Variants in CETN3 observed in about 807,000 individuals in gnomAD.
CETN3 encodes the protein centrin 3.
A neutral mutation model predicts 20.1 loss-of-function variants in CETN3; 17 were observed. The observed-to-expected ratio is 0.85, with a 90% CI of 0.58 to 1.27. The LOEUF (loss-of-function observed/expected upper bound fraction) is 1.27, where lower values mean the gene tolerates loss of function less well. Among genes scored for constraint, CETN3 ranks in the 50% most tolerant of loss-of-function variants. The pLI is 0.00. For missense variants in CETN3, 169 were observed against 191.2 expected, an observed-to-expected ratio of 0.88 and a Z score of 0.69; for synonymous variants, 52 against 59.7, an observed-to-expected ratio of 0.87 and a Z score of 0.59.
chr5:90,407,205 G>A (rs1430813739), intron 2 of CETN3, among the ~76,000 whole-genome samples: 5 of 152,014 alleles, frequency 3.3e-5, no homozygotes, highest in Non-Finnish European at 5.9e-5. Context: ...AGGTCTTAAA[G>A]CTGACATTTT....
rs757751739 is a variant in CETN3, at chr5:90,399,422, T to C, written c.396A>G (p.Glu132=). Residue 132 remains glutamate (E), a synonymous_variant, in exon 4 of 5, where the codon GAA becomes GAG. Transcript: ENST00000283122. ...NLRRVARELG[E]NMSDEELRAM... is the part of the protein sequence containing the mutation. ...CTCGAAGTTCTTCATCACTCATGTT[T>C]TCACCCAATTCTCTAGCAACACGTC... 5.6e-6 allele frequency: 9 copies of C among 1,613,952 alleles called. No individual in the cohort carries two copies. In the African/African-American group the frequency reaches 1.2e-4, roughly 22 times the overall value.
intron 3 of CETN3, among the ~76,000 whole-genome samples, chr5:90,400,521 A>C (rs1749258569): frequency 6.6e-6 from 1 of 151,904 alleles, no homozygotes; most frequent in African/African-American, 2.4e-5. Context: ...CACTACAAGA[A>C]AAGGTATTTA....
chr5:90,396,612 C>G, intron 4 of CETN3: 5 of 1,373,158 alleles, frequency 3.6e-6, no homozygotes, highest in Non-Finnish European at 4.9e-6. Flanking sequence ...GATTTGATTA[C>G]AAATCATTTT....
At chr5:90,407,954 T>G (rs577084782) in intron 1 of CETN3, 120 bp from the exon 2 acceptor site, 14 of 813,236 alleles carry the variant, frequency 1.7e-5, no homozygotes, top group Non-Finnish European at 2.5e-5. Context: ...ATAGGGAAAC[T>G]TTCCCTTTAT....
intron 2 of CETN3, among the ~76,000 whole-genome samples, chr5:90,406,314 G>A (rs1435090990): frequency 6.6e-6 from 1 of 152,006 alleles, no homozygotes; most frequent in Non-Finnish European, 1.5e-5. Context: ...GACTAGAGAA[G>A]TCTTATTTGG....
chr5:90,393,362 ATTTG>A lies in CETN3; in HGVS notation c.*698_*701del, dbSNP rs1451198178. 7 of 152,310 alleles carry A rather than the reference ATTTG, an allele frequency of 4.6e-5. No homozygotes were observed. The highest frequency in any genetic ancestry group is 3.3e-4 in the Admixed American group (5 of 15,302). The allele number at this position is 152,310 out of a possible 1,614,324, so 9.4% of individuals were successfully genotyped here. On this transcript the variant is annotated 3_prime_UTR_variant, in exon 5 of 5. Transcript: ENST00000283122. ...AGAAAATTCAAATTGTATTCATTCA[ATTTG>A]TTTAAGGAAATATTCAGAAGAAAAT...
intron 2 of CETN3, 39 bp from the exon 3 acceptor site, chr5:90,405,838 CT>C: frequency 2.5e-6 from 3 of 1,212,782 alleles, no homozygotes; most frequent in Non-Finnish European, 2.4e-6. Context: ...ATAAAGCACT[CT>C]TTACAAAAGA....
At chr5:90,394,189 G>T in intron 4 of CETN3, 82 bp from the exon 5 acceptor site, 2 of 919,430 alleles carry the variant, frequency 2.2e-6, no homozygotes, top group Non-Finnish European at 1.6e-6. Context: ...TTTACACTAA[G>T]TATTTAAAAA....
intron 2 of CETN3, 64 bp downstream of exon 2, chr5:90,407,635 A>G: frequency 8.8e-7 from 1 of 1,137,098 alleles, no homozygotes; most frequent in Non-Finnish European, 1.2e-6. Context: ...AATGTAATGT[A>G]AAGCAACTGT....
intron 1 of CETN3, among the ~76,000 whole-genome samples, 185 bp downstream of exon 1, chr5:90,409,460 C>T (rs556964483): frequency 6.6e-6 from 1 of 152,356 alleles, no homozygotes; most frequent in East Asian, 1.9e-4. Context: ...GCACTGGTCT[C>T]GTTCCCTGCA....
At chr5:90,394,416 A>G (rs879767984) in intron 4 of CETN3, among the ~76,000 whole-genome samples, 1 of 152,042 alleles carries the variant, frequency 6.6e-6, no homozygotes, top group Non-Finnish European at 1.5e-5. Context: ...ACTTGCTAAA[A>G]CATTTTAAAT....
intron 2 of CETN3, among the ~76,000 whole-genome samples, chr5:90,406,545 C>T (rs990536247): frequency 1.3e-5 from 2 of 151,356 alleles, no homozygotes; most frequent in Non-Finnish European, 3.0e-5. Context: ...AGGAAGAAAG[C>T]AGTTAGCAAA....
chr5:90,409,552 T>A (rs1382531842), intron 1 of CETN3, 93 bp downstream of exon 1: 6 of 1,477,638 alleles, frequency 4.1e-6, no homozygotes, highest in Non-Finnish European at 5.7e-6. Flanking sequence ...ATCCCCTGCC[T>A]CGCCTCGGCC....
chr5:90,396,391 A>G, intron 4 of CETN3: 1 of 1,422,976 alleles, frequency 7.0e-7, no homozygotes, highest in Non-Finnish European at 9.2e-7. Context: ...TTGCAGTTAA[A>G]TAGCCATGTC....
intron 4 of CETN3, among the ~76,000 whole-genome samples, chr5:90,394,538 T>A (rs1749095810): frequency 6.6e-6 from 1 of 151,988 alleles, no homozygotes; most frequent in African/African-American, 2.4e-5. Flanking sequence ...GCATGTAAAT[T>A]AGATTTCTAA....
chr5:90,408,369 T>C (rs893432521), intron 1 of CETN3, among the ~76,000 whole-genome samples: 12 of 152,210 alleles, frequency 7.9e-5, no homozygotes, highest in Non-Finnish European at 1.6e-4. Flanking sequence ...GTTCAAAATG[T>C]TTTTAGATTA....
At chr5:90,398,177 T>A (rs1749182124) in intron 4 of CETN3, among the ~76,000 whole-genome samples, 1 of 152,080 alleles carries the variant, frequency 6.6e-6, no homozygotes. Context: ...ATATACCCAA[T>A]ATTTTTAAAA....
chr5:90,399,915 A>G (rs1749238247), intron 3 of CETN3, among the ~76,000 whole-genome samples: 1 of 152,190 alleles, frequency 6.6e-6, no homozygotes. Context: ...TGTGTCATCT[A>G]CCTGTGGAGA....
intron 2 of CETN3, among the ~76,000 whole-genome samples, chr5:90,406,891 C>CT (rs1749463592): frequency 6.8e-6 from 1 of 146,420 alleles, no homozygotes; most frequent in African/African-American, 2.5e-5. Context: ...CCAAAGAGGA[C>CT]TGCAAGATTG....
Sources: allele counts gnomAD v4.1 joint callset (sites outside exome capture counted in the v4.1 genomes callset), GRCh38; gene constraint gnomAD v4.1.1; transcripts MANE v1.5; gene names NCBI Gene and HGNC (gene_info 2026-07-23, HGNC 2026-07-21).